Variants in NCALD observed in about 807,000 individuals in gnomAD.
The protein encoded by NCALD is neurocalcin-delta.
A neutral mutation model predicts 18.6 loss-of-function variants in NCALD; 10 were observed. The ratio of observed to expected loss-of-function variants is 0.54; its 90% CI spans 0.33 to 0.91. The LOEUF (loss-of-function observed/expected upper bound fraction) is 0.91. NCALD is among the 40% of genes least tolerant of loss of function. NCALD has a pLI of 0.03. For missense variants in NCALD, 184 were observed against 247.6 expected (o/e 0.74, Z 1.72); for synonymous variants, 88 against 87.4 (o/e 1.01, Z -0.04).
chr8:102,052,325 A>G (rs1340337412), intron 1 of NCALD, among the ~76,000 whole-genome samples: 1 of 152,228 alleles, frequency 6.6e-6, no homozygotes, highest in East Asian at 1.9e-4. Flanking sequence ...CCACTGGGTT[A>G]GGCACATTTT....
At chr8:102,079,277 T>C (rs930971985) in intron 1 of NCALD, among the ~76,000 whole-genome samples, 1 of 152,180 alleles carries the variant, frequency 6.6e-6, no homozygotes, top group Admixed American at 6.5e-5. Context: ...CCAGCCGGCC[T>C]TGTTATTTGT....
chr8:101,798,422 C>A (rs547017887), intron 4 of NCALD, among the ~76,000 whole-genome samples: 15 of 152,100 alleles, frequency 9.9e-5, no homozygotes, highest in African/African-American at 3.6e-4. Context: ...CTGCTCAAAC[C>A]CAAATGAAAT....
chr8:101,739,555 A>G (rs970082472), intron 1 of NCALD, among the ~76,000 whole-genome samples: 6 of 152,242 alleles, frequency 3.9e-5, no homozygotes. Context: ...ATCAACTGCC[A>G]GCATGGCTAG....
chr8:101,802,609 A>T (rs1286673681), intron 4 of NCALD, among the ~76,000 whole-genome samples: 1 of 152,132 alleles, frequency 6.6e-6, no homozygotes, highest in Non-Finnish European at 1.5e-5. Context: ...CTTTATGTTC[A>T]TATGTAGAAA....
intron 4 of NCALD, among the ~76,000 whole-genome samples, chr8:101,799,123 A>G (rs920162756): frequency 6.6e-6 from 1 of 152,206 alleles, no homozygotes; most frequent in African/African-American, 2.4e-5. Context: ...CAATCCAACT[A>G]GAGAATAGAC....
intron 1 of NCALD, among the ~76,000 whole-genome samples, chr8:102,023,317 C>T (rs1269715): frequency 0.79 from 119,511 of 152,176 alleles, 47,532 homozygotes; most frequent in African/African-American, 0.89. Flanking sequence ...GCCGTGAAAG[C>T]ACTCTTAGAA....
intron 4 of NCALD, among the ~76,000 whole-genome samples, chr8:101,855,941 T>C (rs1361099317): frequency 2.6e-5 from 4 of 152,180 alleles, no homozygotes; most frequent in Non-Finnish European, 5.9e-5. Context: ...CCAGAGACGA[T>C]CAAATATAGA....
At chr8:102,060,170 A>G (rs1215615043) in intron 1 of NCALD, among the ~76,000 whole-genome samples, 1 of 152,040 alleles carries the variant, frequency 6.6e-6, no homozygotes, top group East Asian at 1.9e-4. Flanking sequence ...TTCGGTACAG[A>G]CAGGGTTTCA....
rs1160830748 is a variant in NCALD at position 102,011,243 on chromosome 8, C to G, written c.-157+8994G>C. ...ACACAAATACACCTTGGTCTCCTTC[C>G]TTCTGTGCCCAATCTGAGAACGTTA... On this transcript the variant is annotated intron_variant, in intron 2 of 6. Transcript: ENST00000311028. Among the ~76,000 whole-genome samples the G allele has an allele frequency of 2.0e-5, 3 of 152,208 alleles. No individual in the cohort carries two copies. In the East Asian group the frequency reaches 5.8e-4, roughly 29 times the overall value.
chr8:101,746,004 A>G (rs1810411552), intron 1 of NCALD: 1 of 152,248 alleles, frequency 6.6e-6, no homozygotes, highest in Non-Finnish European at 1.5e-5. Context: ...CTGGGAATGA[A>G]CACACATTTG....
chr8:101,989,236 G>A (rs866369006), intron 2 of NCALD, among the ~76,000 whole-genome samples: 2 of 152,182 alleles, frequency 1.3e-5, no homozygotes, highest in African/African-American at 4.8e-5. Flanking sequence ...AGCAGTGAAT[G>A]TCAGTGAGCA....
chr8:101,810,544 T>C (rs1813267996), intron 4 of NCALD, among the ~76,000 whole-genome samples: 1 of 152,216 alleles, frequency 6.6e-6, no homozygotes, highest in South Asian at 2.1e-4. Context: ...ATCAGGAGAA[T>C]TATGAATTTA....
chr8:101,941,232 G>A (rs887998359), intron 2 of NCALD, among the ~76,000 whole-genome samples: 4 of 152,190 alleles, frequency 2.6e-5, no homozygotes, highest in Admixed American at 1.3e-4. Flanking sequence ...GGGAGGACAT[G>A]GTTTCGGGAT....
chr8:101,861,341 C>A (rs1370970515), intron 4 of NCALD, among the ~76,000 whole-genome samples: 3 of 152,070 alleles, frequency 2.0e-5, no homozygotes, highest in African/African-American at 7.2e-5. Context: ...ATTCTTGCCA[C>A]CCTCCGAGTC....
At chr8:102,027,710 G>A (rs1822511170) in intron 1 of NCALD, among the ~76,000 whole-genome samples, 1 of 152,134 alleles carries the variant, frequency 6.6e-6, no homozygotes, top group Admixed American at 6.5e-5. Flanking sequence ...GTGCTGTAAG[G>A]ACATATCTGA....
At chr8:101,733,306 C>T (rs554605288) in intron 1 of NCALD, among the ~76,000 whole-genome samples, 24 of 152,292 alleles carry the variant, frequency 1.6e-4, no homozygotes, top group African/African-American at 5.3e-4. Flanking sequence ...TTTGCTCCCC[C>T]CAGCAAGGTG....
chr8:102,104,023 G>T (rs192301000), intron 1 of NCALD, among the ~76,000 whole-genome samples: 1 of 152,126 alleles, frequency 6.6e-6, no homozygotes, highest in Non-Finnish European at 1.5e-5. Context: ...ATACACACAC[G>T]CATACGCATA....
chr8:101,968,322 AAT>A (rs907379384), intron 2 of NCALD, among the ~76,000 whole-genome samples: 3 of 152,254 alleles, frequency 2.0e-5, no homozygotes, highest in Admixed American at 6.5e-5. Flanking sequence ...GAAAAAAAAA[AAT>A]AGATTTAACT....
intron 4 of NCALD, among the ~76,000 whole-genome samples, chr8:101,845,647 C>T (rs1814838095): frequency 6.6e-6 from 1 of 152,224 alleles, no homozygotes; most frequent in Non-Finnish European, 1.5e-5. Context: ...TGTCCGTCAC[C>T]TCCAACATTT....
Sources: allele counts gnomAD v4.1 joint callset (sites outside exome capture counted in the v4.1 genomes callset), GRCh38; gene constraint gnomAD v4.1.1; transcripts MANE v1.5; gene names NCBI Gene and HGNC (gene_info 2026-07-23, HGNC 2026-07-21).